The following PPM1E variants were observed in gnomAD, a reference collection of about 807,000 sequenced individuals.
The protein encoded by PPM1E is protein phosphatase, Mg2+/Mn2+ dependent 1E, also known as protein phosphatase 1E.
A neutral mutation model predicts 65.9 loss-of-function variants in PPM1E; 20 were observed. The observed-to-expected ratio is 0.30, with a 90% CI of 0.21 to 0.44. The LOEUF (loss-of-function observed/expected upper bound fraction) is 0.44, where lower values mean the gene tolerates loss of function less well. Among genes scored for constraint, PPM1E ranks in the 20% least tolerant of loss-of-function variants. The pLI is 1.00. For synonymous variants in PPM1E, 352 were observed against 374.9 expected (o/e 0.94, Z 0.70); for missense variants, 713 against 953.1 (o/e 0.75, Z 3.32).
At chr17:58,908,233 C>A (rs1399616135) in intron 1 of PPM1E, among the ~76,000 whole-genome samples, 1 of 151,678 alleles carries the variant, frequency 6.6e-6, no homozygotes, top group East Asian at 1.9e-4. Context: ...AGGCACCCAC[C>A]CACCACGCCT....
intron 1 of PPM1E, among the ~76,000 whole-genome samples, chr17:58,879,504 T>C (rs2051166042): frequency 1.5e-5 from 2 of 132,828 alleles, no homozygotes; most frequent in Non-Finnish European, 1.6e-5. Flanking sequence ...AGATTAACTT[T>C]TTTTTTTTTT....
At chr17:58,854,621 G>A (rs1277209069) in intron 1 of PPM1E, among the ~76,000 whole-genome samples, 3 of 151,896 alleles carry the variant, frequency 2.0e-5, no homozygotes, top group Non-Finnish European at 1.5e-5. Context: ...TATCATTAAA[G>A]TTTTTTTGAA....
Position 58,756,423 on chromosome 17 carries a change from C to A in PPM1E, c.426C>A (p.Gly142=). The change falls in exon 1 of 7, where the codon GGC becomes GGA. Residue 142 remains glycine (G), a synonymous_variant. Coordinates refer to ENST00000308249, the MANE Select transcript of PPM1E (RefSeq NM_014906.5). ...SERITREEVE[G]ESLDLCLQQL... ...GCATCACCCGCGAGGAGGTGGAGGG[C>A]GAAAGCCTGGACCTGTGCCTGCAGC... 1.5e-6 allele frequency: 2 copies of A among 1,354,030 alleles called. No homozygotes were observed. The highest frequency in any genetic ancestry group is 1.5e-5 in the African/African-American group (1 of 65,104). The allele number at this position is 1,354,030 out of a possible 1,614,324, so 83.9% of individuals were successfully genotyped here. A position where few individuals can be genotyped will look rare whatever the true frequency, so the allele number is the denominator to read the frequency against.
intron 1 of PPM1E, among the ~76,000 whole-genome samples, chr17:58,955,245 G>A (rs2029868358): frequency 6.6e-6 from 1 of 152,064 alleles, no homozygotes; most frequent in South Asian, 2.1e-4. Flanking sequence ...CATGCCTGTA[G>A]TCCCAGCTGC....
At chr17:58,942,299 T>C (rs62083434) in intron 1 of PPM1E, among the ~76,000 whole-genome samples, 22,568 of 152,006 alleles carry the variant, frequency 0.15, 2,063 homozygotes, top group Middle Eastern at 0.22. Flanking sequence ...GGTGGGAGGA[T>C]TGCTTGAGCC....
At chr17:58,929,239 A>C (rs569342704) in intron 1 of PPM1E, among the ~76,000 whole-genome samples, 4 of 152,160 alleles carry the variant, frequency 2.6e-5, no homozygotes, top group Non-Finnish European at 5.9e-5. Flanking sequence ...ATTCATACGA[A>C]GTTCAAGAAG....
At chr17:58,895,832 G>A (rs552362360) in intron 1 of PPM1E, among the ~76,000 whole-genome samples, 12 of 150,770 alleles carry the variant, frequency 8.0e-5, no homozygotes, top group African/African-American at 9.8e-5. Flanking sequence ...GAGGCCGGGC[G>A]CAGTGGCTCA....
Position 58,965,839 on chromosome 17 carries a change from A to G in PPM1E, c.729A>G (p.Lys243=). The change falls in exon 3 of 7, where the codon AAA becomes AAG. Residue 243 remains lysine, a synonymous_variant. Coordinates refer to ENST00000308249, the MANE Select transcript of PPM1E (RefSeq NM_014906.5). ...ATGCCATCAAAAACATGCGCAGGAA[A>G]ATGGAGGACAAACATGTCTGCATTC... ...SIHAIKNMRR[K]MEDKHVCIPD... 1.2e-6 allele frequency: 2 copies of G among 1,614,210 alleles called. No homozygotes were observed. The highest frequency in any genetic ancestry group is 1.7e-6 in the Non-Finnish European group (2 of 1,180,030).
chr17:58,973,101 A>G (rs1239707068), intron 6 of PPM1E, among the ~76,000 whole-genome samples, 176 bp downstream of exon 6: 1 of 152,188 alleles, frequency 6.6e-6, no homozygotes, highest in Non-Finnish European at 1.5e-5. Flanking sequence ...AAACCTGTAC[A>G]TTTATATACT....
rs767882481 is a variant in PPM1E at position 58,765,952 on chromosome 17, C to T, written c.464+9491C>T. On this transcript the variant is annotated intron_variant, in intron 1 of 6. Coordinates refer to ENST00000308249, the MANE Select transcript of PPM1E (RefSeq NM_014906.5). ...CTGGAGTGCAGTGGCCCAGTCTCGG[C>T]GCACTGCAACCTCCGCCTCCCAAGT... 6.7e-4 allele frequency among the ~76,000 whole-genome samples: 100 copies of T among 148,778 alleles called. 1 individual carries two copies. The highest frequency in any genetic ancestry group is 1.1e-3 in the African/African-American group (44 of 40,258).
chr17:58,928,764 G>A (rs935454959), intron 1 of PPM1E, among the ~76,000 whole-genome samples: 3 of 149,846 alleles, frequency 2.0e-5, no homozygotes, highest in Admixed American at 6.7e-5. Flanking sequence ...GTACAGTGAC[G>A]CGATCTCAGC....
At chr17:58,804,033 G>A (rs1377498907) in intron 1 of PPM1E, among the ~76,000 whole-genome samples, 1 of 152,148 alleles carries the variant, frequency 6.6e-6, no homozygotes, top group East Asian at 1.9e-4. Context: ...GGCTCAAGCA[G>A]TCCTCCTGCC....
At chr17:58,966,361 A>G (rs536962131) in intron 3 of PPM1E, 24 of 363,378 alleles carry the variant, frequency 6.6e-5, no homozygotes, top group Non-Finnish European at 1.2e-4. Context: ...TTAAAAAAAA[A>G]AAAGAAAGAA....
At chr17:58,979,937 A>T (rs2031266008) in intron 6 of PPM1E, 37 bp from the exon 7 acceptor site, 1 of 1,529,844 alleles carries the variant, frequency 6.5e-7, no homozygotes, top group Non-Finnish European at 8.9e-7. Flanking sequence ...AAGGTAAAAC[A>T]AATGCTAATG....
At chr17:58,873,587 T>TATTATTATG (rs1233561092) in intron 1 of PPM1E, among the ~76,000 whole-genome samples, 2 of 146,604 alleles carry the variant, frequency 1.4e-5, no homozygotes, top group Non-Finnish European at 3.0e-5. Flanking sequence ...TTATTATTAT[T>TATTATTATG]ATTATTATTA....
Position 58,905,419 on chromosome 17 carries a change from G to A in PPM1E, c.465-50230G>A, listed in dbSNP as rs145678908. Among the ~76,000 whole-genome samples the A allele has an allele frequency of 5.9e-3, 891 of 152,128 alleles. 6 individuals are homozygous for A. The highest frequency in any genetic ancestry group is 9.5e-3 in the African/African-American group (396 of 41,528). ...AACTGAGAGTTTTTATCATTAATGC[G>A]TGTTGAATTTTATCAAGTGCTTTTT... is the stretch of plus-strand genomic sequence containing the variant. On this transcript the variant is annotated intron_variant, in intron 1 of 6. Coordinates refer to ENST00000308249, the MANE Select transcript of PPM1E (RefSeq NM_014906.5).
chr17:58,870,119 G>C (rs542133801), intron 1 of PPM1E, among the ~76,000 whole-genome samples: 2 of 152,308 alleles, frequency 1.3e-5, no homozygotes, highest in East Asian at 3.9e-4. Context: ...GCATCTGGAG[G>C]AGGAGGAGGA....
At chr17:58,953,254 A>C (rs2052265566) in intron 1 of PPM1E, among the ~76,000 whole-genome samples, 1 of 152,200 alleles carries the variant, frequency 6.6e-6, no homozygotes, top group South Asian at 2.1e-4. Flanking sequence ...GGTAAATTAT[A>C]ATGAAAAGAG....
chr17:58,830,597 C>G (rs146278450), intron 1 of PPM1E, among the ~76,000 whole-genome samples: 1 of 152,092 alleles, frequency 6.6e-6, no homozygotes. Context: ...TGAACCACTG[C>G]GCCCAGCCTT....
Sources: gnomAD v4.1 joint callset for allele counts (sites outside exome capture counted in the v4.1 genomes callset) on GRCh38, gnomAD v4.1.1 for gene constraint, MANE v1.5 for transcripts, NCBI Gene and HGNC (gene_info 2026-07-23, HGNC 2026-07-21) for gene names.